Variants in ZPBP observed in about 807,000 individuals in gnomAD.
ZPBP encodes the protein zona pellucida-binding protein 1.
Under a neutral mutation model 44.8 loss-of-function variants are expected in ZPBP, and 26 were observed. The ratio of observed to expected loss-of-function variants is 0.58; its 90% CI spans 0.43 to 0.81. The LOEUF (loss-of-function observed/expected upper bound fraction) is 0.81. Ranked by LOEUF, ZPBP falls within the 30% of genes least tolerant of loss-of-function variation. The probability of loss-of-function intolerance (pLI) is 0.00; values close to 1 mark genes in which losing one functional copy is unlikely to be tolerated. For missense variants in ZPBP, 409 were observed against 434.0 expected, an observed-to-expected ratio of 0.94 and a Z score of 0.51; for synonymous variants, 174 against 153.2, an observed-to-expected ratio of 1.14 and a Z score of -1.00.
chr7:49,957,014 C>T (rs558969617), intron 7 of ZPBP, among the ~76,000 whole-genome samples: 1 of 152,240 alleles, frequency 6.6e-6, no homozygotes, highest in Non-Finnish European at 1.5e-5. Context: ...GGTGATTAGA[C>T]CATGAGGGCT....
At chr7:50,058,283 G>T in intron 3 of ZPBP, 142 bp from the exon 4 acceptor site, 1 of 837,140 alleles carries the variant, frequency 1.2e-6, no homozygotes, top group Non-Finnish European at 2.0e-6. Flanking sequence ...CATTACATCT[G>T]GTATCTGCTA....
At chr7:49,860,174 T>C (rs927106410) in intron 2 of ZPBP, among the ~76,000 whole-genome samples, 2 of 152,190 alleles carry the variant, frequency 1.3e-5, no homozygotes, top group African/African-American at 4.8e-5. Flanking sequence ...ATTCACAAGG[T>C]TGTGCAATCA....
chr7:50,037,183 GAGAC>G (rs1236553808), intron 4 of ZPBP, among the ~76,000 whole-genome samples: 1 of 152,144 alleles, frequency 6.6e-6, no homozygotes, highest in East Asian at 1.9e-4. Flanking sequence ...ATAACTGTGG[GAGAC>G]AGACTTCTGA....
At chr7:50,013,972 A>T (rs1369766612) in intron 6 of ZPBP, among the ~76,000 whole-genome samples, 1 of 152,118 alleles carries the variant, frequency 6.6e-6, no homozygotes, top group Non-Finnish European at 1.5e-5. Context: ...ATCATCCTTT[A>T]TCTATTTCTG....
chr7:49,871,891 GTA>G (rs1791164252), intron 2 of ZPBP, among the ~76,000 whole-genome samples: 1 of 116,034 alleles, frequency 8.6e-6, no homozygotes, highest in African/African-American at 3.3e-5. Flanking sequence ...TTTTTTGTAT[GTA>G]TATGTGTGTA....
At chr7:50,024,283 T>C (rs1799226697) in intron 5 of ZPBP, among the ~76,000 whole-genome samples, 1 of 152,034 alleles carries the variant, frequency 6.6e-6, no homozygotes, top group African/African-American at 2.4e-5. Flanking sequence ...AACTACCATT[T>C]GACCAAGCAA....
chr7:50,030,501 T>TAA (rs11368628), intron 5 of ZPBP, among the ~76,000 whole-genome samples: 32,308 of 149,630 alleles, frequency 0.22, 4,506 homozygotes, highest in East Asian at 0.61. Flanking sequence ...AATAATAATT[T>TAA]AAAAAAAAAC....
chr7:50,014,558 G>C (rs566964644), intron 6 of ZPBP, among the ~76,000 whole-genome samples: 2 of 146,956 alleles, frequency 1.4e-5, no homozygotes, highest in Non-Finnish European at 3.0e-5. Context: ...TTCACCTCCC[G>C]GGTTCAAGTG....
chr7:49,853,527 T>C (rs1726696016), intron 2 of ZPBP, among the ~76,000 whole-genome samples: 1 of 151,838 alleles, frequency 6.6e-6, no homozygotes, highest in Admixed American at 6.5e-5. Flanking sequence ...AGGTCCTAAG[T>C]TTTTGGTTTT....
At chr7:50,070,070 C>A (rs915550142) in intron 3 of ZPBP, among the ~76,000 whole-genome samples, 1 of 152,112 alleles carries the variant, frequency 6.6e-6, no homozygotes, top group Non-Finnish European at 1.5e-5. Context: ...TAGTTAGGCT[C>A]CCACATTCAC....
intron 1 of ZPBP, chr7:49,921,414 A>G (rs1432148974): frequency 2.0e-5 from 3 of 152,182 alleles, no homozygotes; most frequent in Non-Finnish European, 4.4e-5. Flanking sequence ...AACGTTTGCA[A>G]TTTATTTGCT....
chr7:50,042,175 G>A (rs1039044369), intron 4 of ZPBP, among the ~76,000 whole-genome samples: 1 of 152,164 alleles, frequency 6.6e-6, no homozygotes, highest in Non-Finnish European at 1.5e-5. Context: ...GGGACTATGT[G>A]AAAAGACCAA....
rs1479562068 is a variant in ZPBP at position 49,983,539 on chromosome 7, T to C, written c.784-20A>G. ...TTTAGCCTAAAACATAAATACAATTTGATAAACTGTTAGCCATAAAAAATG... is the reference window on the plus strand; with the variant it reads ...TTTAGCCTAAAACATAAATACAATTCGATAAACTGTTAGCCATAAAAAATG... On this transcript the variant is annotated intron_variant, in intron 6 of 7. Coordinates refer to ENST00000046087, the MANE Select transcript of ZPBP (RefSeq NM_007009.3). The C allele has an allele frequency of 1.4e-6, 2 of 1,451,080 alleles. No individual in the cohort carries two copies. The highest frequency in any genetic ancestry group is 2.4e-5 in the South Asian group (2 of 83,368). The allele number at this position is 1,451,080 out of a possible 1,614,324, so 89.9% of individuals were successfully genotyped here. A position where few individuals can be genotyped will look rare whatever the true frequency, so the allele number is the denominator to read the frequency against.
At chr7:49,944,262 G>T in intron 7 of ZPBP, 1 of 355,588 alleles carries the variant, frequency 2.8e-6, no homozygotes, top group Non-Finnish European at 5.4e-6. Flanking sequence ...TGATATTCCA[G>T]GGGCTTAATG....
At chr7:49,980,125 T>A (rs1213934536) in intron 7 of ZPBP, among the ~76,000 whole-genome samples, 1 of 106,448 alleles carries the variant, frequency 9.4e-6, no homozygotes, top group Non-Finnish European at 1.7e-5. Context: ...TTTTATATTA[T>A]AATTATATAT....
intron 6 of ZPBP, among the ~76,000 whole-genome samples, chr7:49,996,985 TTGAC>T (rs1459816237): frequency 6.6e-6 from 1 of 152,208 alleles, no homozygotes; most frequent in Non-Finnish European, 1.5e-5. Context: ...TTCCAGTTGA[TTGAC>T]TGTGTTTCCC....
chr7:50,057,826 A>C (rs1432594045), intron 4 of ZPBP, among the ~76,000 whole-genome samples, 163 bp downstream of exon 4: 1 of 152,176 alleles, frequency 6.6e-6, no homozygotes, highest in Non-Finnish European at 1.5e-5. Context: ...CTGTGCCCTC[A>C]CCACTAACCC....
rs557095632 is a variant in ZPBP, at chr7:49,975,969, C to T, written c.961+7373G>A. Among the ~76,000 whole-genome samples, 22 of 152,196 alleles carry T rather than the reference C, an allele frequency of 1.4e-4. 1 individual carries two copies. In the Middle Eastern group the frequency reaches 0.01, roughly 71 times the overall value. On this transcript the variant is annotated intron_variant, in intron 7 of 7. Coordinates refer to ENST00000046087, the MANE Select transcript of ZPBP (RefSeq NM_007009.3). ...AGTTTTGGGGTAACATTTTTTCTAT[C>T]TACTAATTGTTATATACATATTATT...
chr7:49,911,187 T>C (rs935826419), intron 1 of ZPBP, among the ~76,000 whole-genome samples: 2 of 152,084 alleles, frequency 1.3e-5, no homozygotes, highest in Non-Finnish European at 2.9e-5. Flanking sequence ...TTGTCTCTTA[T>C]AAAAATTTTA....
Sources: allele counts gnomAD v4.1 joint callset (sites outside exome capture counted in the v4.1 genomes callset), GRCh38; gene constraint gnomAD v4.1.1; transcripts MANE v1.5; gene names NCBI Gene and HGNC (gene_info 2026-07-23, HGNC 2026-07-21).